FYN: variants seen among roughly 807,000 people sequenced by gnomAD.
The protein encoded by FYN is FYN proto-oncogene, Src family tyrosine kinase.
A neutral mutation model predicts 70.2 loss-of-function variants in FYN; 10 were observed. The observed-to-expected ratio is 0.14, with a 90% CI of 0.09 to 0.24. FYN has a LOEUF of 0.24. Ranked by LOEUF, FYN falls within the 10% of genes least tolerant of loss-of-function variation. The probability of loss-of-function intolerance (pLI) is 1.00; values close to 1 mark genes in which losing one functional copy is unlikely to be tolerated. For synonymous variants in FYN, 236 were observed against 248.6 expected (o/e 0.95, Z 0.48); for missense variants, 319 against 673.1 (o/e 0.47, Z 5.82).
Position 111,694,342 on chromosome 6 carries a change from G to A in FYN, c.1273+33C>T. 6.2e-7 allele frequency: 1 copy of A among 1,612,564 alleles called. No individual in the cohort carries two copies. Among genetic ancestry groups the A allele is most frequent in the Non-Finnish European group, 8.5e-7 (1 of 1,178,800 alleles). On this transcript the variant is annotated intron_variant, in intron 12 of 13. Coordinates refer to ENST00000354650, the MANE Select transcript of FYN (RefSeq NM_002037.5). This position sits in a 1 kb window ranked among gnomAD's most constrained non-coding sequence, Gnocchi z 5.0. ...GCAGTAAGTGACTGTTCTCACAGCT[G>A]TGATCACGAGCCATTGTCATTCAAG... is the stretch of plus-strand genomic sequence containing the variant.
At chr6:111,829,326 G>A (rs1042662140) in intron 2 of FYN, among the ~76,000 whole-genome samples, 1 of 152,136 alleles carries the variant, frequency 6.6e-6, no homozygotes, top group Non-Finnish European at 1.5e-5. Flanking sequence ...CACCTGATGT[G>A]TGGGAAAAAT....
At chr6:111,691,209 C>G (rs556193634) in intron 12 of FYN, among the ~76,000 whole-genome samples, 13 of 152,018 alleles carry the variant, frequency 8.6e-5, no homozygotes, top group Non-Finnish European at 1.5e-4. Flanking sequence ...TGGGATGGTG[C>G]GAAGTAAGGA....
At position 111,861,523 on chromosome 6, in the gene FYN, T is replaced by C. The variant is rs889226594; in HGVS notation, c.-123+11445A>G. Among the ~76,000 whole-genome samples the C allele has an allele frequency of 2.6e-5, 4 of 152,212 alleles. No individual in the cohort carries two copies. The South Asian group carries it at 6.2e-4, about 24-fold the overall frequency. On this transcript the variant is annotated intron_variant, in intron 1 of 13. Coordinates refer to ENST00000354650, the MANE Select transcript of FYN (RefSeq NM_002037.5). ...CACCACTGCTTCTCGAAGATCACAA[T>C]AGCATTTCAAACAACAGTAAAGCAC...
intron 13 of FYN, among the ~76,000 whole-genome samples, chr6:111,667,987 T>G (rs1043696745): frequency 4.6e-5 from 7 of 152,250 alleles, no homozygotes; most frequent in African/African-American, 1.7e-4. Flanking sequence ...TAACTGAGCT[T>G]TCCGTTCAAA....
chr6:111,742,076 A>G (rs1309493629), intron 3 of FYN, among the ~76,000 whole-genome samples: 1 of 152,226 alleles, frequency 6.6e-6, no homozygotes, highest in Admixed American at 6.5e-5. Context: ...CTGAAAAAGA[A>G]GGGAAGCAAA....
intron 2 of FYN, among the ~76,000 whole-genome samples, chr6:111,804,301 A>T (rs1013144376): frequency 6.6e-6 from 1 of 151,790 alleles, no homozygotes; most frequent in African/African-American, 2.4e-5. Context: ...AACTGGGGGG[A>T]ACTGGGGAAC....
Position 111,694,735 on chromosome 6 carries a change from T to C in FYN, c.1043-31A>G, listed in dbSNP as rs1183294567. ...AACAAAACATAAAATCATTTCAATT[T>C]ACTTTGAAAGATAATTCCCAACAGA... On this transcript the variant is annotated intron_variant, in intron 10 of 13. Transcript: ENST00000354650. The surrounding 1 kb of genome is among the most constrained non-coding windows in gnomAD (Gnocchi z 5.0). The C allele has an allele frequency of 6.4e-7, 1 of 1,566,516 alleles. No homozygotes were observed. The highest frequency in any genetic ancestry group is 8.8e-7 in the Non-Finnish European group (1 of 1,142,262).
chr6:111,698,189 AATGGTGCG>A (rs200100181), intron 9 of FYN, among the ~76,000 whole-genome samples: 1 of 141,834 alleles, frequency 7.1e-6, no homozygotes, highest in Non-Finnish European at 1.5e-5. Context: ...GCAATGGTGC[AATGGTGCG>A]ATCTCCGCTC....
chr6:111,786,632 A>G (rs1268259606), intron 2 of FYN, among the ~76,000 whole-genome samples: 1 of 152,252 alleles, frequency 6.6e-6, no homozygotes, highest in East Asian at 1.9e-4. Context: ...TCCTTGAGGA[A>G]TCGCCACACT....
intron 9 of FYN, 21 bp downstream of exon 9, chr6:111,700,083 A>C (rs756195879): frequency 6.2e-7 from 1 of 1,611,298 alleles, no homozygotes; most frequent in Admixed American, 1.7e-5. Context: ...CTAATAAGAG[A>C]GTAATTGAGT....
chr6:111,717,157 A>G (rs1800686382), intron 4 of FYN, among the ~76,000 whole-genome samples: 1 of 152,188 alleles, frequency 6.6e-6, no homozygotes, highest in Admixed American at 6.5e-5. Flanking sequence ...CCCATTCAAG[A>G]TAACTCTGTA....
At chr6:111,766,122 T>G (rs1437406462) in intron 3 of FYN, among the ~76,000 whole-genome samples, 1 of 152,082 alleles carries the variant, frequency 6.6e-6, no homozygotes, top group Non-Finnish European at 1.5e-5. Context: ...CACTTATGAG[T>G]GTCAGGCATC....
intron 10 of FYN, among the ~76,000 whole-genome samples, chr6:111,695,113 G>C (rs1799516702): frequency 6.6e-6 from 1 of 152,182 alleles, no homozygotes. Context: ...CCTGGGACCA[G>C]CAGCTACAAT....
chr6:111,859,353 A>C (rs972750002), intron 1 of FYN, among the ~76,000 whole-genome samples: 2 of 152,226 alleles, frequency 1.3e-5, no homozygotes, highest in African/African-American at 4.8e-5. Flanking sequence ...ATTGGGCTAA[A>C]GGGAACTATA....
At chr6:111,856,548 TG>T (rs1165869799) in intron 1 of FYN, among the ~76,000 whole-genome samples, 33 of 152,314 alleles carry the variant, frequency 2.2e-4, no homozygotes, top group African/African-American at 7.9e-4. Flanking sequence ...TTAATCTATA[TG>T]GACATATGTT....
intron 2 of FYN, among the ~76,000 whole-genome samples, chr6:111,822,243 A>G (rs1319642540): frequency 6.6e-6 from 1 of 152,234 alleles, no homozygotes; most frequent in East Asian, 1.9e-4. Context: ...ATGTCCATCA[A>G]TGATAGATTG....
chr6:111,759,547 C>T (rs1470312690), intron 3 of FYN, among the ~76,000 whole-genome samples: 1 of 152,206 alleles, frequency 6.6e-6, no homozygotes, highest in African/African-American at 2.4e-5. Flanking sequence ...TCCCAGGCAC[C>T]CAGGCACTCG....
chr6:111,857,121 C>T (rs151300881), intron 1 of FYN, among the ~76,000 whole-genome samples: 1 of 152,242 alleles, frequency 6.6e-6, no homozygotes, highest in Non-Finnish European at 1.5e-5. Context: ...TAAACTGATA[C>T]TTTATTTAGC....
chr6:111,693,809 G>A (rs1799456312), intron 12 of FYN, among the ~76,000 whole-genome samples: 1 of 152,098 alleles, frequency 6.6e-6, no homozygotes, highest in African/African-American at 2.4e-5. Flanking sequence ...CCCAGAAGTG[G>A]GCTAGAGTGG....
Sources: allele counts gnomAD v4.1 joint callset (sites outside exome capture counted in the v4.1 genomes callset), GRCh38; gene constraint gnomAD v4.1.1; non-coding constraint Gnocchi (gnomAD v3.1); transcripts MANE v1.5; gene names NCBI Gene and HGNC (gene_info 2026-07-23, HGNC 2026-07-21).